TMEM132D: variants seen among roughly 807,000 people sequenced by gnomAD.
TMEM132D encodes mature OL transmembrane protein.
A neutral mutation model predicts 62.3 loss-of-function variants in TMEM132D; 21 were observed. That is an observed-to-expected ratio of 0.34 (90% CI 0.24 to 0.49). TMEM132D has a LOEUF of 0.49. Ranked by LOEUF, TMEM132D falls within the 20% of genes least tolerant of loss-of-function variation. The probability of loss-of-function intolerance (pLI) is 0.99; values close to 1 mark genes in which losing one functional copy is unlikely to be tolerated. For synonymous variants in TMEM132D, 621 were observed against 575.6 expected (o/e 1.08, Z -1.13); for missense variants, 1,346 against 1,402.8 (o/e 0.96, Z 0.65).
chr12:129,646,312 G>A (rs929330322), intron 2 of TMEM132D, among the ~76,000 whole-genome samples: 3 of 152,130 alleles, frequency 2.0e-5, no homozygotes, highest in Admixed American at 6.5e-5. Flanking sequence ...TGCAGAGGGC[G>A]ATGCAGTATG....
At chr12:129,506,696 T>C (rs572261072) in intron 3 of TMEM132D, among the ~76,000 whole-genome samples, 1 of 152,300 alleles carries the variant, frequency 6.6e-6, no homozygotes, top group African/African-American at 2.4e-5. Context: ...CTCATTTTTA[T>C]ACAAAAATCA....
chr12:129,094,423 A>T (rs760985296), intron 5 of TMEM132D, among the ~76,000 whole-genome samples: 2 of 152,262 alleles, frequency 1.3e-5, no homozygotes, highest in African/African-American at 4.8e-5. Flanking sequence ...CAAAAGACAC[A>T]TGAAAAAATG....
chr12:129,153,491 G>A (rs1877138748), intron 5 of TMEM132D, among the ~76,000 whole-genome samples: 1 of 152,086 alleles, frequency 6.6e-6, no homozygotes, highest in African/African-American at 2.4e-5. Context: ...ACTCCAGGCT[G>A]TGCCGTGAAG....
At chr12:129,449,433 A>G (rs527981294) in intron 3 of TMEM132D, among the ~76,000 whole-genome samples, 3 of 152,260 alleles carry the variant, frequency 2.0e-5, no homozygotes, top group Admixed American at 1.3e-4. Context: ...CTAAGTTTCC[A>G]CTAAACCCGC....
At chr12:129,576,167 C>G (rs1364561610) in intron 2 of TMEM132D, among the ~76,000 whole-genome samples, 1 of 151,906 alleles carries the variant, frequency 6.6e-6, no homozygotes, top group Non-Finnish European at 1.5e-5. Context: ...TCCGCTTTCT[C>G]TTTGCATACC....
At chr12:129,620,457 G>T (rs1879034697) in intron 2 of TMEM132D, among the ~76,000 whole-genome samples, 1 of 152,112 alleles carries the variant, frequency 6.6e-6, no homozygotes, top group African/African-American at 2.4e-5. Context: ...AACCTAGCTG[G>T]GTATGGTGGC....
chr12:129,798,966 C>T (rs1422983684), intron 1 of TMEM132D, among the ~76,000 whole-genome samples: 1 of 152,212 alleles, frequency 6.6e-6, no homozygotes, highest in Non-Finnish European at 1.5e-5. Flanking sequence ...GAAGAGTTCA[C>T]ATAAAAATAT....
chr12:129,139,694 A>C lies in TMEM132D; in HGVS notation c.1444-54992T>G, dbSNP rs1227985575. Among the ~76,000 whole-genome samples, 14 of 152,282 alleles carry C rather than the reference A, an allele frequency of 9.2e-5. No homozygotes were observed. In the South Asian group the frequency reaches 1.0e-3, roughly 11 times the overall value. On this transcript the variant is annotated intron_variant, in intron 5 of 8. Coordinates refer to ENST00000422113, the MANE Select transcript of TMEM132D (RefSeq NM_133448.3). ...GCAGATAAACATACATCATCATCATAATAATTATTATTATTGAGACAGGAC... is the reference window on the plus strand; with the variant it reads ...GCAGATAAACATACATCATCATCATCATAATTATTATTATTGAGACAGGAC...
chr12:129,805,612 C>T (rs1052352025), intron 1 of TMEM132D, among the ~76,000 whole-genome samples: 14 of 152,020 alleles, frequency 9.2e-5, no homozygotes, highest in African/African-American at 2.9e-4. Context: ...TAGGCAATAC[C>T]ATTCAGGACA....
At chr12:129,784,772 G>A (rs1202237050) in intron 1 of TMEM132D, among the ~76,000 whole-genome samples, 1 of 152,146 alleles carries the variant, frequency 6.6e-6, no homozygotes, top group East Asian at 1.9e-4. Context: ...GGCTCGCCCT[G>A]AAGTGGGGAG....
intron 5 of TMEM132D, among the ~76,000 whole-genome samples, chr12:129,151,936 G>T (rs1211305778): frequency 2.7e-5 from 4 of 147,778 alleles, no homozygotes; most frequent in Non-Finnish European, 5.9e-5. Flanking sequence ...GGAGTGCAGT[G>T]GTGCAATCTT....
chr12:129,707,276 T>G (rs1474884954), intron 1 of TMEM132D, among the ~76,000 whole-genome samples: 1 of 149,342 alleles, frequency 6.7e-6, no homozygotes, highest in South Asian at 2.1e-4. Context: ...TTTATATATG[T>G]GATAGATTGT....
chr12:129,865,828 CA>C (rs1269859157), intron 1 of TMEM132D, among the ~76,000 whole-genome samples: 1 of 152,190 alleles, frequency 6.6e-6, no homozygotes, highest in African/African-American at 2.4e-5. Flanking sequence ...GGCAAGGGAA[CA>C]GGGGTACAGT....
chr12:129,482,207 C>T (rs1254821140), intron 3 of TMEM132D, among the ~76,000 whole-genome samples: 1 of 152,158 alleles, frequency 6.6e-6, no homozygotes, highest in Non-Finnish European at 1.5e-5. Context: ...CTCCACTGTG[C>T]TTATGCGTTT....
intron 2 of TMEM132D, among the ~76,000 whole-genome samples, chr12:129,619,495 AT>A (rs1187900654): frequency 6.6e-5 from 10 of 152,216 alleles, no homozygotes; most frequent in African/African-American, 2.4e-4. Context: ...TGTCTACATA[AT>A]TTTCCAAGCT....
chr12:129,153,952 G>C (rs772666261), intron 5 of TMEM132D, among the ~76,000 whole-genome samples: 19 of 152,180 alleles, frequency 1.2e-4, no homozygotes, highest in Non-Finnish European at 2.4e-4. Flanking sequence ...GCGTGGCTGA[G>C]GCTTTTGTCC....
intron 1 of TMEM132D, among the ~76,000 whole-genome samples, chr12:129,783,810 G>C (rs529563552): frequency 6.6e-6 from 1 of 152,364 alleles, no homozygotes; most frequent in Non-Finnish European, 1.5e-5. Flanking sequence ...CTTGCTCGCT[G>C]TAAGTTGTGT....
At chr12:129,484,735 G>A (rs911894255) in intron 3 of TMEM132D, among the ~76,000 whole-genome samples, 1 of 152,154 alleles carries the variant, frequency 6.6e-6, no homozygotes, top group Non-Finnish European at 1.5e-5. Flanking sequence ...GCTCTCCATG[G>A]AAACTTAAAA....
intron 3 of TMEM132D, among the ~76,000 whole-genome samples, chr12:129,458,031 T>G (rs1403147820): frequency 1.3e-5 from 2 of 152,164 alleles, no homozygotes; most frequent in Non-Finnish European, 2.9e-5. Flanking sequence ...GGGCACTTCC[T>G]CCAGGCCTCC....
Sources: gnomAD v4.1 joint callset for allele counts (sites outside exome capture counted in the v4.1 genomes callset) on GRCh38, gnomAD v4.1.1 for gene constraint, MANE v1.5 for transcripts, NCBI Gene and HGNC (gene_info 2026-07-23, HGNC 2026-07-21) for gene names.